The following NPSR1 variants were observed in gnomAD, a reference collection of about 807,000 sequenced individuals.
NPSR1 encodes the protein neuropeptide S receptor 1, also known as neuropeptide S receptor.
A neutral mutation model predicts 46.9 loss-of-function variants in NPSR1; 48 were observed. The observed-to-expected ratio is 1.02, with a 90% confidence interval of 0.81 to 1.30. The LOEUF (loss-of-function observed/expected upper bound fraction) is 1.30. NPSR1 is among the 50% of genes most tolerant of loss of function. The probability of loss-of-function intolerance (pLI) is 0.00; values close to 1 mark genes in which losing one functional copy is unlikely to be tolerated. For synonymous variants in NPSR1, 176 were observed against 168.1 expected, an observed-to-expected ratio of 1.05 and a Z score of -0.36; for missense variants, 450 against 449.5, an observed-to-expected ratio of 1.00 and a Z score of -0.01.
intron 3 of NPSR1, among the ~76,000 whole-genome samples, chr7:34,806,518 G>A (rs1788705336): frequency 6.6e-6 from 1 of 152,128 alleles, no homozygotes; most frequent in Non-Finnish European, 1.5e-5. Flanking sequence ...GTAGGAAAGA[G>A]ATGAATAGAT....
At chr7:34,793,672 A>G (rs1194838135) in intron 3 of NPSR1, among the ~76,000 whole-genome samples, 1 of 152,164 alleles carries the variant, frequency 6.6e-6, no homozygotes, top group Non-Finnish European at 1.5e-5. Flanking sequence ...AGTTCCTTGA[A>G]AAATTAAAAA....
At chr7:34,697,659 A>G (rs959910858) in intron 2 of NPSR1, among the ~76,000 whole-genome samples, 1 of 151,898 alleles carries the variant, frequency 6.6e-6, no homozygotes, top group Non-Finnish European at 1.5e-5. Context: ...TAAAATTTGT[A>G]TCATTTTATT....
chr7:34,680,915 G>C (rs571151824), intron 1 of NPSR1, among the ~76,000 whole-genome samples: 34 of 151,532 alleles, frequency 2.2e-4, no homozygotes, highest in Non-Finnish European at 4.0e-4. Flanking sequence ...TGGGGCACAG[G>C]AAGGGCTTTC....
rs553063943 is a variant in NPSR1 at position 34,685,866 on chromosome 7, A to T, written c.280+1182A>T. ...AAGAGTTCTGAAGATGGAACCTGGG[A>T]TGGGGGAAAGTTTCTTCAATCTTTC... On this transcript the variant is annotated intron_variant, in intron 2 of 8. Coordinates refer to ENST00000360581, the MANE Select transcript of NPSR1 (RefSeq NM_207172.2). 40 of 224,750 alleles carry T rather than the reference A, an allele frequency of 1.8e-4. No homozygotes were observed. The South Asian group carries it at 1.8e-3, about 10-fold the overall frequency. The allele number at this position is 224,750 out of a possible 1,614,324, so 13.9% of individuals were successfully genotyped here. A position where few individuals can be genotyped will look rare whatever the true frequency, so the allele number is the denominator to read the frequency against.
chr7:34,751,722 C>T (rs769087771), intron 2 of NPSR1: 124 of 1,583,598 alleles, frequency 7.8e-5, no homozygotes, highest in South Asian at 5.7e-4. Flanking sequence ...GAGACTCCTT[C>T]GGGTCCCCCT....
At chr7:34,860,915 A>G (rs997581089) in intron 8 of NPSR1, among the ~76,000 whole-genome samples, 1 of 151,918 alleles carries the variant, frequency 6.6e-6, no homozygotes, top group African/African-American at 2.4e-5. Context: ...AAAGAAAAGC[A>G]GTGTGCTCCT....
chr7:34,752,385 G>A (rs1785584745), intron 2 of NPSR1, among the ~76,000 whole-genome samples: 1 of 152,102 alleles, frequency 6.6e-6, no homozygotes, highest in Non-Finnish European at 1.5e-5. Flanking sequence ...GGAGGCCTAA[G>A]GAGTTTCCTT....
At chr7:34,699,220 C>T (rs1793693286) in intron 2 of NPSR1, among the ~76,000 whole-genome samples, 1 of 152,142 alleles carries the variant, frequency 6.6e-6, no homozygotes, top group South Asian at 2.1e-4. Context: ...TGGCTCACGC[C>T]TATAATCCCA....
intron 2 of NPSR1, among the ~76,000 whole-genome samples, chr7:34,690,901 A>C (rs1026839962): frequency 6.6e-6 from 1 of 152,226 alleles, no homozygotes; most frequent in Admixed American, 6.5e-5. Flanking sequence ...CATCGTGAGA[A>C]GAACATCACC....
At chr7:34,809,163 T>A (rs1788856998) in intron 3 of NPSR1, among the ~76,000 whole-genome samples, 1 of 152,186 alleles carries the variant, frequency 6.6e-6, no homozygotes, top group Non-Finnish European at 1.5e-5. Context: ...CTCCTCTGTT[T>A]GTTGCCAGCC....
intron 2 of NPSR1, among the ~76,000 whole-genome samples, chr7:34,693,083 C>T (rs1397244589): frequency 6.6e-6 from 1 of 152,136 alleles, no homozygotes; most frequent in African/African-American, 2.4e-5. Context: ...CCCCTGCTCT[C>T]TCTCTCTTGA....
intron 3 of NPSR1, among the ~76,000 whole-genome samples, chr7:34,791,516 CTT>C (rs1396967657): frequency 6.6e-6 from 1 of 150,440 alleles, no homozygotes; most frequent in Non-Finnish European, 1.5e-5. Context: ...AGGTGATAGA[CTT>C]ATACAAAAAA....
chr7:34,789,106 A>G (rs1252972682), intron 3 of NPSR1, among the ~76,000 whole-genome samples: 1 of 152,058 alleles, frequency 6.6e-6, no homozygotes, highest in Non-Finnish European at 1.5e-5. Context: ...GATAAATGAA[A>G]ATGAAAACAC....
At chr7:34,864,990 A>C (rs1791276580) in intron 8 of NPSR1, among the ~76,000 whole-genome samples, 1 of 151,766 alleles carries the variant, frequency 6.6e-6, no homozygotes, top group Non-Finnish European at 1.5e-5. Flanking sequence ...GTGGAAAAAA[A>C]TTCTGCGCAC....
chr7:34,770,776 A>T (rs985333184), intron 2 of NPSR1, among the ~76,000 whole-genome samples: 1 of 152,148 alleles, frequency 6.6e-6, no homozygotes, highest in Admixed American at 6.6e-5. Context: ...TATAATTTAT[A>T]AACAGAAATT....
intron 3 of NPSR1, among the ~76,000 whole-genome samples, chr7:34,802,128 T>C (rs1788450323): frequency 6.7e-6 from 1 of 150,242 alleles, no homozygotes; most frequent in Admixed American, 6.6e-5. Context: ...ATCGTGAAAA[T>C]GCCCATACTG....
chr7:34,766,151 C>T lies in NPSR1; in HGVS notation c.281-12311C>T, dbSNP rs1187431561. Among the ~76,000 whole-genome samples, 3 of 152,286 alleles carry T rather than the reference C, an allele frequency of 2.0e-5. No homozygotes were observed. The East Asian group carries it at 5.8e-4, about 29-fold the overall frequency. On this transcript the variant is annotated intron_variant, in intron 2 of 8. Transcript: ENST00000360581. Reference sequence around the variant, plus strand: ...GAAAAATAAAGCCATGATGAAATATCACTACATATCTAGTAGAACAACTAA... The same window carrying T: ...GAAAAATAAAGCCATGATGAAATATTACTACATATCTAGTAGAACAACTAA...
intron 6 of NPSR1, among the ~76,000 whole-genome samples, chr7:34,840,904 G>C (rs1401315479): frequency 6.6e-6 from 1 of 152,082 alleles, no homozygotes; most frequent in African/African-American, 2.4e-5. Flanking sequence ...AGACACCCTG[G>C]GAAGAAACTG....
chr7:34,757,058 C>G (rs935049696), intron 2 of NPSR1, among the ~76,000 whole-genome samples: 1 of 152,134 alleles, frequency 6.6e-6, no homozygotes, highest in African/African-American at 2.4e-5. Context: ...TCCTGTTGTA[C>G]GCAAAAATTG....
Sources: gnomAD v4.1 joint callset for allele counts (sites outside exome capture counted in the v4.1 genomes callset) on GRCh38, gnomAD v4.1.1 for gene constraint, MANE v1.5 for transcripts, NCBI Gene and HGNC (gene_info 2026-07-23, HGNC 2026-07-21) for gene names.